ARHGAP42: variants seen among roughly 807,000 people sequenced by gnomAD.
The protein encoded by ARHGAP42 is rho GTPase-activating protein 42.
A neutral mutation model predicts 125.0 loss-of-function variants in ARHGAP42; 63 were observed. The observed-to-expected ratio is 0.50, with a 90% CI of 0.41 to 0.62. ARHGAP42 has a LOEUF of 0.62. Ranked by LOEUF, ARHGAP42 falls within the 20% of genes least tolerant of loss-of-function variation. ARHGAP42 has a pLI of 0.00. For synonymous variants in ARHGAP42, 339 were observed against 351.0 expected (o/e 0.97, Z 0.38); for missense variants, 766 against 1,024.2 (o/e 0.75, Z 3.44).
At chr11:100,932,163 T>C (rs1247254563) in intron 6 of ARHGAP42, among the ~76,000 whole-genome samples, 1 of 152,196 alleles carries the variant, frequency 6.6e-6, no homozygotes, top group Non-Finnish European at 1.5e-5. Flanking sequence ...TCATAGCACA[T>C]GTAACCAGTT....
At chr11:100,770,005 G>T (rs1423253743) in intron 1 of ARHGAP42, among the ~76,000 whole-genome samples, 1 of 152,034 alleles carries the variant, frequency 6.6e-6, no homozygotes, top group Non-Finnish European at 1.5e-5. Context: ...AAATAAAAAT[G>T]CTCCATTTAT....
At chr11:100,896,235 TC>T (rs555571351) in intron 4 of ARHGAP42, among the ~76,000 whole-genome samples, 13,754 of 152,210 alleles carry the variant, frequency 0.09, 862 homozygotes, top group Non-Finnish European at 0.13. Flanking sequence ...CTTAATCCAG[TC>T]TATCATTGAT....
intron 1 of ARHGAP42, among the ~76,000 whole-genome samples, chr11:100,720,865 A>G (rs1050423240): frequency 2.6e-5 from 4 of 152,158 alleles, no homozygotes; most frequent in Non-Finnish European, 5.9e-5. Flanking sequence ...AAGAACTACC[A>G]TATACTTCTC....
At chr11:100,739,763 A>G (rs1330257704) in intron 1 of ARHGAP42, among the ~76,000 whole-genome samples, 1 of 152,074 alleles carries the variant, frequency 6.6e-6, no homozygotes, top group Non-Finnish European at 1.5e-5. Flanking sequence ...AAGTAGGGTG[A>G]GCATAACTTC....
intron 3 of ARHGAP42, among the ~76,000 whole-genome samples, chr11:100,810,379 G>T (rs1167549578): frequency 6.6e-6 from 1 of 152,164 alleles, no homozygotes; most frequent in Non-Finnish European, 1.5e-5. Context: ...TAGTGTAGTG[G>T]TTAACCACCG....
intron 8 of ARHGAP42, 125 bp downstream of exon 8, chr11:100,936,457 C>A: frequency 8.1e-7 from 1 of 1,237,310 alleles, no homozygotes; most frequent in Non-Finnish European, 1.1e-6. Context: ...TATCTACTTT[C>A]CCCCCACCAC....
chr11:100,723,389 A>G (rs1861799633), intron 1 of ARHGAP42, among the ~76,000 whole-genome samples: 1 of 152,234 alleles, frequency 6.6e-6, no homozygotes, highest in South Asian at 2.1e-4. Context: ...CCTTGACAAC[A>G]TTAAGTCTTC....
rs1284109157 is a variant in ARHGAP42 at position 100,961,716 on chromosome 11, A to G, written c.1333A>G (p.Ile445Val). 1.3e-6 allele frequency: 2 copies of G among 1,551,742 alleles called. No homozygotes were observed. Among genetic ancestry groups the G allele is most frequent in the Non-Finnish European group, 1.7e-6 (2 of 1,146,850 alleles). The change falls in exon 15 of 24, where the codon ATT becomes GTT. Residue 445 changes from isoleucine (I) to valine (V), a missense_variant. By Grantham distance (29) the Ile-to-Val change is conservative. Around this residue, in one of 3 missense-constraint regions of ARHGAP42, gnomAD observed 455 missense variants for 636.5 expected, o/e 0.71. Coordinates refer to ENST00000298815, the MANE Select transcript of ARHGAP42 (RefSeq NM_152432.4). Reference sequence around the variant, plus strand: ...ATCCCCTCCTGATATTGATATTGATATTGAACTGTGGGACAATAAGACGAT... The same window carrying G: ...ATCCCCTCCTGATATTGATATTGATGTTGAACTGTGGGACAATAAGACGAT... Reference protein sequence around the residue: ...PKSPPDIDIDIELWDNKTITS... With the variant: ...PKSPPDIDIDVELWDNKTITS...
chr11:100,857,319 G>C (rs887701183), intron 3 of ARHGAP42, among the ~76,000 whole-genome samples: 3 of 152,032 alleles, frequency 2.0e-5, no homozygotes, highest in African/African-American at 7.2e-5. Context: ...TAGGCCACAG[G>C]GTGGCTGTTA....
intron 12 of ARHGAP42, among the ~76,000 whole-genome samples, chr11:100,956,106 A>G (rs952467423): frequency 6.6e-6 from 1 of 152,114 alleles, no homozygotes; most frequent in Non-Finnish European, 1.5e-5. Flanking sequence ...TTGCAAAGCA[A>G]CCATCAACAG....
Position 100,825,064 on chromosome 11 carries a change from G to A in ARHGAP42, c.312+29898G>A, listed in dbSNP as rs937286749. Among the ~76,000 whole-genome samples the A allele has an allele frequency of 1.6e-4, 25 of 152,134 alleles. 1 individual carries two copies. Among genetic ancestry groups the A allele is most frequent in the Admixed American group, 1.4e-3 (21 of 15,258 alleles). ...ACATTGTAACTCTGAAATAGTAATG[G>A]CAATGGAAGTGCTTGTTAGAAAAAT... On this transcript the variant is annotated intron_variant, in intron 3 of 23. Transcript: ENST00000298815.
At chr11:100,936,785 G>C (rs1191955397) in intron 8 of ARHGAP42, among the ~76,000 whole-genome samples, 1 of 152,118 alleles carries the variant, frequency 6.6e-6, no homozygotes, top group African/African-American at 2.4e-5. Context: ...TACTTCCTGA[G>C]GTTCGGAAAT....
chr11:100,769,867 C>T (rs931859821), intron 1 of ARHGAP42, among the ~76,000 whole-genome samples: 1 of 151,744 alleles, frequency 6.6e-6, no homozygotes, highest in African/African-American at 2.4e-5. Flanking sequence ...GGAAAAATAG[C>T]TCAATGCATG....
chr11:100,874,417 ACTGTCAATGTCTGTTAC>A (rs1393045375), intron 4 of ARHGAP42, among the ~76,000 whole-genome samples: 2 of 152,234 alleles, frequency 1.3e-5, no homozygotes, highest in Non-Finnish European at 2.9e-5. Context: ...AATTTTGTTT[ACTGTCAATGTCTGTTAC>A]CTGCCAGACA....
intron 4 of ARHGAP42, among the ~76,000 whole-genome samples, chr11:100,896,412 C>T (rs141626390): frequency 0.013 from 1,914 of 152,300 alleles, 15 homozygotes; most frequent in Non-Finnish European, 0.016. Flanking sequence ...CTTGAGGAAT[C>T]GTCACACTGT....
chr11:100,705,974 TA>T (rs1306170943), intron 1 of ARHGAP42, among the ~76,000 whole-genome samples: 1 of 139,158 alleles, frequency 7.2e-6, no homozygotes, highest in African/African-American at 2.7e-5. Flanking sequence ...AATAGTTAAG[TA>T]ACTTTTTTTT....
chr11:100,886,572 A>G (rs1398728734), intron 4 of ARHGAP42, among the ~76,000 whole-genome samples: 3 of 152,214 alleles, frequency 2.0e-5, no homozygotes, highest in African/African-American at 7.2e-5. Context: ...TATAATCATC[A>G]CAAAGAATTA....
At chr11:100,792,000 A>G (rs541771559) in intron 2 of ARHGAP42, among the ~76,000 whole-genome samples, 2 of 152,290 alleles carry the variant, frequency 1.3e-5, no homozygotes, top group South Asian at 2.1e-4. Flanking sequence ...ATTTAAGACA[A>G]CTTCACGATT....
intron 3 of ARHGAP42, among the ~76,000 whole-genome samples, chr11:100,856,278 T>A (rs1865321042): frequency 6.6e-6 from 1 of 152,152 alleles, no homozygotes; most frequent in Non-Finnish European, 1.5e-5. Context: ...ACCCTTTATA[T>A]GACATTTTCC....
Sources: allele counts gnomAD v4.1 joint callset (sites outside exome capture counted in the v4.1 genomes callset), GRCh38; gene constraint gnomAD v4.1.1; regional missense constraint gnomAD v4.1.1; transcripts MANE v1.5; gene names NCBI Gene and HGNC (gene_info 2026-07-23, HGNC 2026-07-21).